Variants in CACNA1I observed in about 807,000 individuals in gnomAD.
The protein encoded by CACNA1I is voltage-dependent T-type calcium channel subunit alpha-1I.
Under a neutral mutation model 201.6 loss-of-function variants are expected in CACNA1I, and 74 were observed. The ratio of observed to expected loss-of-function variants is 0.37; its 90% confidence interval spans 0.30 to 0.45. The LOEUF is 0.45. Ranked by LOEUF, CACNA1I falls within the 20% of genes least tolerant of loss-of-function variation. The pLI is 1.00. For missense variants in CACNA1I, 2,346 were observed against 3,138.1 expected, an observed-to-expected ratio of 0.75 and a Z score of 6.03; for synonymous variants, 1,431 against 1,345.2, an observed-to-expected ratio of 1.06 and a Z score of -1.40.
chr22:39,681,091 C>T (rs1470224128), intron 34 of CACNA1I, 39 bp downstream of exon 34: 2 of 1,574,454 alleles, frequency 1.3e-6, no homozygotes, highest in African/African-American at 2.7e-5. Context: ...GCGGGTCTGT[C>T]CTTGAAACCT....
Position 39,634,664 on chromosome 22 carries a change from G to C in CACNA1I, c.680G>C (p.Gly227Ala). The change falls in exon 5 of 37, where the codon GGT becomes GCT. Residue 227 changes from glycine to alanine, a missense_variant. Gly to Ala is a moderately conservative substitution (Grantham distance 60, BLOSUM62 0). This residue lies in a region of CACNA1I where 227 missense variants were observed against 412.5 expected (regional missense o/e 0.55). Coordinates refer to ENST00000402142, the MANE Select transcript of CACNA1I (RefSeq NM_021096.4). ...GTCTTCTTCATCTTTGGCATCATAGGTGTGCAGCTCTGGGCGGGCCTGCTG... is the reference window on the plus strand; with the variant it reads ...GTCTTCTTCATCTTTGGCATCATAGCTGTGCAGCTCTGGGCGGGCCTGCTG... ...FFVFFIFGII[G>A]VQLWAGLLRN... The C allele has an allele frequency of 6.2e-7, 1 of 1,613,864 alleles. No homozygotes were observed. Among genetic ancestry groups the C allele is most frequent in the Non-Finnish European group, 8.5e-7 (1 of 1,179,868 alleles).
rs745370817 is a variant in CACNA1I, at chr22:39,646,551, T to G, written c.1150-18T>G. The G allele has an allele frequency of 1.3e-6, 2 of 1,525,204 alleles. No homozygotes were observed. Among genetic ancestry groups the G allele is most frequent in the Non-Finnish European group, 1.8e-6 (2 of 1,132,328 alleles). The allele number at this position is 1,525,204 out of a possible 1,614,324, so 94.5% of individuals were successfully genotyped here. On this transcript the variant is annotated intron_variant, in intron 7 of 36. Coordinates refer to ENST00000402142, the MANE Select transcript of CACNA1I (RefSeq NM_021096.4). Reference sequence around the variant, plus strand: ...CATCCCTGTCCCTGTCCCTGTCCTCTCCTCCCGTTGGTCACAGGTGGGCTC... The same window carrying G: ...CATCCCTGTCCCTGTCCCTGTCCTCGCCTCCCGTTGGTCACAGGTGGGCTC...
chr22:39,572,881 C>T (rs1005100927), intron 1 of CACNA1I, among the ~76,000 whole-genome samples: 7 of 152,068 alleles, frequency 4.6e-5, no homozygotes, highest in Admixed American at 2.0e-4. Flanking sequence ...CTCAGCCTCC[C>T]GAGTAGCTGG....
At chr22:39,627,031 T>G (rs1933918149) in intron 4 of CACNA1I, among the ~76,000 whole-genome samples, 1 of 152,222 alleles carries the variant, frequency 6.6e-6, no homozygotes, top group South Asian at 2.1e-4. Flanking sequence ...GGGACAGAGC[T>G]AGGGTTTGAA....
Position 39,600,509 on chromosome 22 carries a change from T to C in CACNA1I, c.349-11T>C. ...ACCCTGTCCCTTGCTTCCCTCCTCC[T>C]GCCCCTGCAGGTCTTTGATGACTTC... On this transcript the variant is annotated splice_polypyrimidine_tract_variant and intron_variant, in intron 2 of 36. Transcript: ENST00000402142. 1 of 1,610,854 alleles carries C rather than the reference T, an allele frequency of 6.2e-7. No homozygotes were observed. The highest frequency in any genetic ancestry group is 8.5e-7 in the Non-Finnish European group (1 of 1,178,490).
chr22:39,649,357 AC>A lies in CACNA1I; in HGVS notation c.1568-140del. On this transcript the variant is annotated intron_variant, in intron 9 of 36. Coordinates refer to ENST00000402142, the MANE Select transcript of CACNA1I (RefSeq NM_021096.4). This position sits in a 1 kb window ranked among gnomAD's most constrained non-coding sequence, Gnocchi z 7.3. The stretch of plus-strand genomic sequence containing the variant: ...GAGAGCTGCAGCCGCTTCCCCAGGC[AC>A]CCCTGACCGCCTTTCCAGGCTGGGT... The A allele has an allele frequency of 3.8e-6, 3 of 797,102 alleles. No homozygotes were observed. The highest frequency in any genetic ancestry group is 5.7e-6 in the Non-Finnish European group (3 of 523,624). 49.4% of individuals were successfully genotyped at this position (797,102 alleles called of 1,614,324 possible).
At position 39,640,849 on chromosome 22, in the gene CACNA1I, A is replaced by G. The variant is rs1569075384; in HGVS notation, c.741-18A>G. Reference sequence around the variant, plus strand: ...CCCCTCCCCTTTCCCTCTTTTACCCACCCTCGCCTGTGGACAGACAAGGGG... The same window carrying G: ...CCCCTCCCCTTTCCCTCTTTTACCCGCCCTCGCCTGTGGACAGACAAGGGG... On this transcript the variant is annotated intron_variant, in intron 5 of 36. Coordinates refer to ENST00000402142, the MANE Select transcript of CACNA1I (RefSeq NM_021096.4). The G allele has an allele frequency of 1.9e-6, 3 of 1,595,552 alleles. No individual in the cohort carries two copies. The highest frequency in any genetic ancestry group is 1.1e-5 in the South Asian group (1 of 88,762).
intron 5 of CACNA1I, among the ~76,000 whole-genome samples, 172 bp from the exon 6 acceptor site, chr22:39,640,695 C>T (rs1278060355): frequency 1.3e-5 from 2 of 152,144 alleles, no homozygotes; most frequent in Non-Finnish European, 2.9e-5. Flanking sequence ...TGGGGGTTTT[C>T]ATGGCCATAA....
intron 10 of CACNA1I, among the ~76,000 whole-genome samples, chr22:39,655,168 A>T (rs920596086): frequency 6.6e-6 from 1 of 152,158 alleles, no homozygotes; most frequent in Non-Finnish European, 1.5e-5. Flanking sequence ...GAGATAATGC[A>T]TGGGGCGTGC....
intron 3 of CACNA1I, among the ~76,000 whole-genome samples, chr22:39,601,675 C>T (rs893619364): frequency 2.6e-5 from 4 of 151,800 alleles, no homozygotes; most frequent in Non-Finnish European, 4.4e-5. Context: ...ATTCAGTAGA[C>T]GCATGGCTGA....
chr22:39,611,642 A>C (rs768132036), intron 3 of CACNA1I, among the ~76,000 whole-genome samples: 15 of 152,338 alleles, frequency 9.8e-5, no homozygotes, highest in Non-Finnish European at 1.8e-4. Context: ...TGAGGCATAC[A>C]CTAAAATTAT....
At chr22:39,672,920 C>G in intron 27 of CACNA1I, 29 bp from the exon 28 acceptor site, 1 of 1,601,474 alleles carries the variant, frequency 6.2e-7, no homozygotes, top group Non-Finnish European at 8.5e-7. Flanking sequence ...CTCATGCCCA[C>G]TCCTGCCCTC....
intron 1 of CACNA1I, among the ~76,000 whole-genome samples, chr22:39,585,726 A>AATTT (rs1439172512): frequency 4.4e-5 from 3 of 68,262 alleles, no homozygotes; most frequent in Non-Finnish European, 5.8e-5. Flanking sequence ...AAACTTTTAA[A>AATTT]GTTTTTTTTT....
rs371035919 is a variant in CACNA1I, at chr22:39,596,520, G to T, written c.237-1631G>T. On this transcript the variant is annotated intron_variant, in intron 1 of 36. Transcript: ENST00000402142. ...GATGGGGGGCAGGGTGGAGAGAGAT[G>T]GGGGGGCAGGGCAGAGGGAGATGGG... 2.1e-4 allele frequency among the ~76,000 whole-genome samples: 27 copies of T among 130,132 alleles called. 1 individual carries two copies. The East Asian group carries it at 6.5e-3, about 31-fold the overall frequency. The allele number at this position is 130,132 out of a possible 152,430, so 85.4% of individuals were successfully genotyped here. A position where few individuals can be genotyped will look rare whatever the true frequency, so the allele number is the denominator to read the frequency against.
Position 39,629,762 on chromosome 22 carries a change from G to A in CACNA1I, c.581-4803G>A, listed in dbSNP as rs1013007849. 1.3e-5 allele frequency among the ~76,000 whole-genome samples: 2 copies of A among 152,142 alleles called. No homozygotes were observed. Among genetic ancestry groups the A allele is most frequent in the Non-Finnish European group, 2.9e-5 (2 of 68,024 alleles). On this transcript the variant is annotated intron_variant, in intron 4 of 36. Transcript: ENST00000402142. This position sits in a 1 kb window ranked among gnomAD's most constrained non-coding sequence, Gnocchi z 4.8. ...ACACAGCTGTGGAGCCCACAGGCCT[G>A]ACCCCCTTTCAGAGATGTGTATGCC...
At chr22:39,668,540 T>C (rs1017860561) in intron 24 of CACNA1I, among the ~76,000 whole-genome samples, 159 bp downstream of exon 24, 20 of 152,328 alleles carry the variant, frequency 1.3e-4, no homozygotes, top group African/African-American at 4.8e-4. Flanking sequence ...GGCCTGAATC[T>C]TCACCATTAC....
chr22:39,680,067 G>A (rs1372090160), intron 33 of CACNA1I, among the ~76,000 whole-genome samples, 199 bp downstream of exon 33: 2 of 152,206 alleles, frequency 1.3e-5, no homozygotes, highest in Admixed American at 6.5e-5. Flanking sequence ...GGTGGCCACA[G>A]CTGCCGACCC....
chr22:39,592,447 T>C (rs890559559), intron 1 of CACNA1I, among the ~76,000 whole-genome samples: 1 of 152,192 alleles, frequency 6.6e-6, no homozygotes, highest in Non-Finnish European at 1.5e-5. Context: ...TTTCTGCCCC[T>C]GTTTTCCATC....
intron 10 of CACNA1I, among the ~76,000 whole-genome samples, chr22:39,655,264 CG>C (rs200247150): frequency 1.2e-5 from 1 of 85,592 alleles, no homozygotes; most frequent in Admixed American, 1.4e-4. Flanking sequence ...GAGGGCTTCC[CG>C]GGGGGCAGCT....
Sources: allele counts gnomAD v4.1 joint callset (sites outside exome capture counted in the v4.1 genomes callset), GRCh38; gene constraint gnomAD v4.1.1; regional missense constraint gnomAD v4.1.1; non-coding constraint Gnocchi (gnomAD v3.1); transcripts MANE v1.5; gene names NCBI Gene and HGNC (gene_info 2026-07-23, HGNC 2026-07-21).